Variants in NSD1 observed in about 807,000 individuals in gnomAD.
NSD1 encodes the protein nuclear receptor binding SET domain protein 1.
NSD1 carries 26 observed loss-of-function variants against 242.7 expected under a neutral mutation model. The observed-to-expected ratio is 0.11, with a 90% CI of 0.08 to 0.15. The LOEUF is 0.15. Among genes scored for constraint, NSD1 ranks in the 10% least tolerant of loss-of-function variants. The probability of loss-of-function intolerance (pLI) is 1.00; values close to 1 mark genes in which losing one functional copy is unlikely to be tolerated. For synonymous variants in NSD1, 1,106 were observed against 1,178.1 expected, an observed-to-expected ratio of 0.94 and a Z score of 1.25; for missense variants, 2,495 against 3,272.8, an observed-to-expected ratio of 0.76 and a Z score of 5.80.
chr5:177,193,393 C>T (rs1298144346), intron 3 of NSD1, among the ~76,000 whole-genome samples: 4 of 152,022 alleles, frequency 2.6e-5, no homozygotes, highest in Non-Finnish European at 4.4e-5. Context: ...CTGCCTGCCT[C>T]GGCCTTACAA....
Position 177,210,120 on chromosome 5 carries a change from G to A in NSD1, c.1721G>A (p.Gly574Glu). The A allele has an allele frequency of 6.2e-7, 1 of 1,612,968 alleles. No homozygotes were observed. Among genetic ancestry groups the A allele is most frequent in the South Asian group, 1.1e-5 (1 of 90,876 alleles). ...APGSFLFSSC[G>E]KNTAKKEFET... ...GGAAGTTTTCTGTTTTCTTCCTGTGGAAAAAACACTGCAAAGAAAGAATTT... is the reference window on the plus strand; with the variant it reads ...GGAAGTTTTCTGTTTTCTTCCTGTGAAAAAAACACTGCAAAGAAAGAATTT... The change falls in exon 5 of 23, where the codon GGA becomes GAA. Residue 574 changes from glycine (G) to glutamate (E), a missense_variant. Transcript: ENST00000439151.
intron 20 of NSD1, among the ~76,000 whole-genome samples, chr5:177,286,258 G>A (rs1484866266): frequency 2.0e-5 from 3 of 152,072 alleles, no homozygotes; most frequent in African/African-American, 7.2e-5. Context: ...GACTTTTTAG[G>A]TTGTGACAAT....
intron 20 of NSD1, 140 bp downstream of exon 20, chr5:177,284,068 C>T: frequency 1.9e-6 from 2 of 1,045,808 alleles, no homozygotes; most frequent in Non-Finnish European, 2.9e-6. Context: ...CATTTTTGTG[C>T]AACCATCACC....
At chr5:177,264,648 C>T (rs1032404248) in intron 14 of NSD1, 12 of 444,954 alleles carry the variant, frequency 2.7e-5, no homozygotes, top group Non-Finnish European at 5.0e-5. Flanking sequence ...CTGAAACACA[C>T]CCCTGGCCCC....
rs193136721 is a variant in NSD1, at chr5:177,230,072, G to C, written c.3797-5749G>C. ...GAAACATCTTTTTAAAAATCATTCA[G>C]TTGTCACCATGCTGTTTCACTTACA... On this transcript the variant is annotated intron_variant, in intron 5 of 22. Coordinates refer to ENST00000439151, the MANE Select transcript of NSD1 (RefSeq NM_022455.5). 5.9e-5 allele frequency among the ~76,000 whole-genome samples: 9 copies of C among 152,194 alleles called. No homozygotes were observed. The East Asian group carries it at 1.5e-3, about 26-fold the overall frequency.
intron 6 of NSD1, among the ~76,000 whole-genome samples, chr5:177,237,023 T>A (rs1765503426): frequency 6.6e-6 from 1 of 152,050 alleles, no homozygotes. Flanking sequence ...ACATTTTTTT[T>A]GTAGAGGCGG....
intron 9 of NSD1, 21 bp downstream of exon 9, chr5:177,244,291 A>G (rs751122639): frequency 6.4e-6 from 10 of 1,558,050 alleles, no homozygotes; most frequent in Non-Finnish European, 8.0e-6. Context: ...TTGAGATTTA[A>G]AAAACGTAAT....
intron 16 of NSD1, among the ~76,000 whole-genome samples, chr5:177,271,110 G>T (rs1441661752): frequency 6.6e-6 from 1 of 152,078 alleles, no homozygotes; most frequent in African/African-American, 2.4e-5. Context: ...TTAATCAGGG[G>T]GTTTCTAGGT....
At chr5:177,254,202 C>T (rs774164949) in intron 12 of NSD1, among the ~76,000 whole-genome samples, 11 of 152,160 alleles carry the variant, frequency 7.2e-5, no homozygotes, top group Non-Finnish European at 1.0e-4. Flanking sequence ...TCTCCTTGGC[C>T]TCCCAAAGTG....
intron 9 of NSD1, among the ~76,000 whole-genome samples, 176 bp downstream of exon 9, chr5:177,244,446 A>G (rs1439620491): frequency 1.3e-5 from 2 of 152,104 alleles, no homozygotes; most frequent in African/African-American, 2.4e-5. Context: ...TTGAATATCT[A>G]CTCTACCAGG....
rs1491427746 is a variant in NSD1, at chr5:177,159,007, T to TATATATATATGAATG, written c.927+22987_927+22988insGAATGATATATATAT. ...ATATATATGAATGATTTTATATATA[T>TATATATATATGAATG]ATATATATATATATATATGAATGAT... On this transcript the variant is annotated intron_variant, in intron 2 of 22. Coordinates refer to ENST00000439151, the MANE Select transcript of NSD1 (RefSeq NM_022455.5). Among the ~76,000 whole-genome samples, 403 of 92,958 alleles carry TATATATATATGAATG rather than the reference T, an allele frequency of 4.3e-3. 14 individuals are homozygous for TATATATATATGAATG. Among genetic ancestry groups the TATATATATATGAATG allele is most frequent in the African/African-American group, 0.02 (379 of 19,418 alleles). The allele number at this position is 92,958 out of a possible 152,430, so 61.0% of individuals were successfully genotyped here. A position where few individuals can be genotyped will look rare whatever the true frequency, so the allele number is the denominator to read the frequency against.
At chr5:177,276,835 C>T (rs760615731) in intron 17 of NSD1, among the ~76,000 whole-genome samples, 7 of 151,942 alleles carry the variant, frequency 4.6e-5, no homozygotes, top group Middle Eastern at 3.4e-3. Flanking sequence ...AAGAACAAAA[C>T]GAAAAAAGTC....
intron 5 of NSD1, among the ~76,000 whole-genome samples, chr5:177,232,648 A>G (rs1765149802): frequency 6.6e-6 from 1 of 152,268 alleles, no homozygotes; most frequent in African/African-American, 2.4e-5. Context: ...GGATGCACCA[A>G]CAGAAAGTTT....
intron 2 of NSD1, 156 bp downstream of exon 2, chr5:177,136,186 T>A: frequency 3.1e-6 from 2 of 655,104 alleles, no homozygotes; most frequent in Non-Finnish European, 5.3e-6. Flanking sequence ...TTTACTTTGA[T>A]TTTTAAATTT....
At chr5:177,233,014 A>C (rs528719213) in intron 5 of NSD1, among the ~76,000 whole-genome samples, 93 of 152,354 alleles carry the variant, frequency 6.1e-4, no homozygotes, top group Non-Finnish European at 1.2e-3. Flanking sequence ...GTGTAAGTGT[A>C]AACTTGCTAT....
At chr5:177,285,059 C>T (rs897412695) in intron 20 of NSD1, among the ~76,000 whole-genome samples, 5 of 152,062 alleles carry the variant, frequency 3.3e-5, no homozygotes, top group Admixed American at 2.6e-4. Context: ...AACGGGGTAG[C>T]GAGATGGTTG....
At chr5:177,194,423 G>A (rs1340048840) in intron 3 of NSD1, among the ~76,000 whole-genome samples, 1 of 148,830 alleles carries the variant, frequency 6.7e-6, no homozygotes, top group Non-Finnish European at 1.5e-5. Flanking sequence ...GAGCACAGAC[G>A]TGTGCCACCA....
At position 177,191,867 on chromosome 5, in the gene NSD1, G is replaced by A; in HGVS notation, c.928-17G>A. On this transcript the variant is annotated splice_polypyrimidine_tract_variant and intron_variant, in intron 2 of 22. Transcript: ENST00000439151. ...ATTTTGATTCTTATTGATGCCCCAT[G>A]TTTTGTCTGTCTAAAGTGTCAACCT... The A allele has an allele frequency of 1.9e-6, 3 of 1,613,554 alleles. No individual in the cohort carries two copies. The highest frequency in any genetic ancestry group is 2.5e-6 in the Non-Finnish European group (3 of 1,179,594).
At chr5:177,187,704 CTG>C (rs919964503) in intron 2 of NSD1, among the ~76,000 whole-genome samples, 79 of 152,210 alleles carry the variant, frequency 5.2e-4, no homozygotes, top group African/African-American at 1.8e-3. Context: ...TGTGTTCTGT[CTG>C]TGTTTTCACG....
Sources: allele counts gnomAD v4.1 joint callset (sites outside exome capture counted in the v4.1 genomes callset), GRCh38; gene constraint gnomAD v4.1.1; transcripts MANE v1.5; gene names NCBI Gene and HGNC (gene_info 2026-07-23, HGNC 2026-07-21).